PLCL1: variants seen among roughly 807,000 people sequenced by gnomAD.
PLCL1 encodes the protein phospholipase C like 1 (inactive), also known as inactive phospholipase C-like protein 1.
A neutral mutation model predicts 84.4 loss-of-function variants in PLCL1; 41 were observed. That is an observed-to-expected ratio of 0.49 (90% CI 0.38 to 0.63). The LOEUF is 0.63. PLCL1 is among the 30% of genes least tolerant of loss of function. The pLI is 0.00. For synonymous variants in PLCL1, 490 were observed against 488.3 expected (o/e 1.00, Z -0.05); for missense variants, 1,206 against 1,367.8 (o/e 0.88, Z 1.87).
intron 1 of PLCL1, among the ~76,000 whole-genome samples, chr2:197,852,006 A>T (rs1687248894): frequency 6.6e-6 from 1 of 152,234 alleles, no homozygotes; most frequent in South Asian, 2.1e-4. Context: ...CTCCTCTCAT[A>T]TATGAATAAG....
At chr2:197,902,070 T>C (rs761634500) in intron 1 of PLCL1, among the ~76,000 whole-genome samples, 1 of 152,208 alleles carries the variant, frequency 6.6e-6, no homozygotes, top group Non-Finnish European at 1.5e-5. Context: ...GATTTGTTGC[T>C]TTCAGTTAAA....
At chr2:198,088,106 A>G (rs1247317073) in intron 2 of PLCL1, among the ~76,000 whole-genome samples, 1 of 152,214 alleles carries the variant, frequency 6.6e-6, no homozygotes, top group Non-Finnish European at 1.5e-5. Context: ...ATAATCTTGA[A>G]ATATGTACTT....
At chr2:197,925,699 T>G (rs1401091) in intron 1 of PLCL1, among the ~76,000 whole-genome samples, 41,327 of 151,970 alleles carry the variant, frequency 0.27, 6,758 homozygotes, top group East Asian at 0.5. Context: ...CTAGTTGTAC[T>G]TAAACTACAA....
At chr2:198,060,477 A>G (rs891938526) in intron 1 of PLCL1, among the ~76,000 whole-genome samples, 1 of 152,224 alleles carries the variant, frequency 6.6e-6, no homozygotes, top group Non-Finnish European at 1.5e-5. Flanking sequence ...AATTGGTCTC[A>G]GATGAATTTT....
At chr2:197,975,472 T>C (rs1327416539) in intron 1 of PLCL1, among the ~76,000 whole-genome samples, 1 of 152,140 alleles carries the variant, frequency 6.6e-6, no homozygotes, top group African/African-American at 2.4e-5. Flanking sequence ...CTTATGTCTT[T>C]CCAGCCAAAA....
At chr2:198,080,714 C>G (rs141638620) in intron 1 of PLCL1, among the ~76,000 whole-genome samples, 2 of 152,198 alleles carry the variant, frequency 1.3e-5, no homozygotes, top group African/African-American at 4.8e-5. Flanking sequence ...GATAATTATT[C>G]GTTCACACAT....
chr2:197,865,439 T>G (rs1469916394), intron 1 of PLCL1, among the ~76,000 whole-genome samples: 1 of 152,032 alleles, frequency 6.6e-6, no homozygotes, highest in East Asian at 1.9e-4. Flanking sequence ...TATTGAGAAG[T>G]TTTAGACCCA....
intron 1 of PLCL1, among the ~76,000 whole-genome samples, chr2:197,964,750 G>A (rs986830709): frequency 2.0e-5 from 3 of 152,002 alleles, no homozygotes; most frequent in African/African-American, 7.2e-5. Context: ...TTATTTTGAG[G>A]TATGTTCTTT....
At chr2:198,029,265 A>G (rs1049004460) in intron 1 of PLCL1, among the ~76,000 whole-genome samples, 1 of 152,222 alleles carries the variant, frequency 6.6e-6, no homozygotes, top group Non-Finnish European at 1.5e-5. Flanking sequence ...ACTACATTGT[A>G]TAGGTCAAAC....
intron 1 of PLCL1, among the ~76,000 whole-genome samples, chr2:197,986,646 G>A (rs1690225193): frequency 6.6e-6 from 1 of 152,158 alleles, no homozygotes; most frequent in African/African-American, 2.4e-5. Context: ...ACAGAGTCTG[G>A]CTTCAATTTA....
At chr2:197,869,244 T>C (rs905619647) in intron 1 of PLCL1, among the ~76,000 whole-genome samples, 2 of 152,152 alleles carry the variant, frequency 1.3e-5, no homozygotes, top group Non-Finnish European at 2.9e-5. Flanking sequence ...ATTGTTTCTA[T>C]CATATCAAAT....
intron 1 of PLCL1, among the ~76,000 whole-genome samples, chr2:197,901,336 C>A (rs922599556): frequency 2.0e-5 from 3 of 152,116 alleles, no homozygotes; most frequent in African/African-American, 7.2e-5. Context: ...AATATACAAT[C>A]TTTTTGATAC....
At chr2:197,991,875 T>C (rs1690352402) in intron 1 of PLCL1, among the ~76,000 whole-genome samples, 1 of 152,024 alleles carries the variant, frequency 6.6e-6, no homozygotes, top group Non-Finnish European at 1.5e-5. Context: ...GCACCCACTG[T>C]CTTCTGTGGG....
At chr2:197,931,679 C>CCCAA (rs1393473253) in intron 1 of PLCL1, among the ~76,000 whole-genome samples, 7 of 95,142 alleles carry the variant, frequency 7.4e-5, no homozygotes, top group African/African-American at 3.1e-4. Flanking sequence ...CAACCAACCA[C>CCCAA]CCACCCACCC....
In PLCL1 at chr2:197,954,390, A is replaced by T. The variant is rs189651209; in HGVS notation, c.241-129368A>T. 2.8e-3 allele frequency among the ~76,000 whole-genome samples: 424 copies of T among 152,238 alleles called. 1 individual carries two copies. The highest frequency in any genetic ancestry group is 5.1e-3 in the Non-Finnish European group (345 of 67,986). On this transcript the variant is annotated intron_variant, in intron 1 of 5. Coordinates refer to ENST00000428675, the MANE Select transcript of PLCL1 (RefSeq NM_006226.4). ...TTTATGTTGTTCACTGTGTTGGAAT[A>T]GAATTTAAAGACAGGAAGGCCTGCA...
At chr2:198,136,502 C>T (rs1039085387) in intron 5 of PLCL1, among the ~76,000 whole-genome samples, 1 of 151,986 alleles carries the variant, frequency 6.6e-6, no homozygotes, top group African/African-American at 2.4e-5. Flanking sequence ...AGTCTAGAGA[C>T]TAGAGACTAG....
chr2:198,073,825 T>C (rs1048565405), intron 1 of PLCL1, among the ~76,000 whole-genome samples: 1 of 152,218 alleles, frequency 6.6e-6, no homozygotes, highest in Non-Finnish European at 1.5e-5. Flanking sequence ...ATTTATTAAA[T>C]GGTAGAATAG....
intron 1 of PLCL1, among the ~76,000 whole-genome samples, chr2:197,974,317 A>G (rs1689924959): frequency 6.6e-6 from 1 of 152,226 alleles, no homozygotes; most frequent in South Asian, 2.1e-4. Flanking sequence ...TTTGGGAACC[A>G]TTGGCATGGA....
At chr2:197,811,659 G>C (rs1293112789) in intron 1 of PLCL1, among the ~76,000 whole-genome samples, 1 of 152,276 alleles carries the variant, frequency 6.6e-6, no homozygotes, top group East Asian at 1.9e-4. Context: ...ATTTATGAAA[G>C]TGTGTAGCTA....
Sources: gnomAD v4.1 joint callset for allele counts (sites outside exome capture counted in the v4.1 genomes callset) on GRCh38, gnomAD v4.1.1 for gene constraint, MANE v1.5 for transcripts, NCBI Gene and HGNC (gene_info 2026-07-23, HGNC 2026-07-21) for gene names.